CYLC2: variants seen among roughly 807,000 people sequenced by gnomAD.
The protein encoded by CYLC2 is cylicin-2.
Under a neutral mutation model 26.1 loss-of-function variants are expected in CYLC2, and 30 were observed. That is an observed-to-expected ratio of 1.15 (90% CI 0.86 to 1.56). The LOEUF (loss-of-function observed/expected upper bound fraction) is 1.56. Among genes scored for constraint, CYLC2 ranks in the 40% most tolerant of loss-of-function variants. The pLI is 0.00. For synonymous variants in CYLC2, 158 were observed against 132.8 expected (o/e 1.19, Z -1.31); for missense variants, 498 against 394.4 (o/e 1.26, Z -2.23).
chr9:102,998,311 T>C (rs1829256941), intron 1 of CYLC2, among the ~76,000 whole-genome samples: 1 of 152,024 alleles, frequency 6.6e-6, no homozygotes, highest in Non-Finnish European at 1.5e-5. Flanking sequence ...ATGGATTTAA[T>C]TTAAAATTGT....
chr9:103,001,248 T>G lies in CYLC2; in HGVS notation c.18-330T>G, dbSNP rs756807138. ...TTCAACTGTGTTTTTGTAATTTTTT[T>G]AAATGTATATTTTCAGATGTGCAAT... On this transcript the variant is annotated intron_variant, in intron 1 of 7. Transcript: ENST00000374798. Among the ~76,000 whole-genome samples the G allele has an allele frequency of 7.4e-5, 11 of 148,884 alleles. No homozygotes were observed. The Admixed American group carries it at 7.4e-4, about 10-fold the overall frequency.
At chr9:103,014,448 A>G (rs908713380) in intron 6 of CYLC2, among the ~76,000 whole-genome samples, 7 of 91,710 alleles carry the variant, frequency 7.6e-5, no homozygotes, top group Admixed American at 1.3e-4. Context: ...TACATAATAT[A>G]CATAATGTAT....
intron 1 of CYLC2, among the ~76,000 whole-genome samples, chr9:102,998,239 C>A (rs1311036449): frequency 4.0e-5 from 6 of 151,862 alleles, no homozygotes. Context: ...AAAACAACAA[C>A]AACCTTTTGA....
At chr9:103,017,028 T>C (rs1481353931) in intron 7 of CYLC2, 67 bp downstream of exon 7, 6 of 148,686 alleles carry the variant, frequency 4.0e-5, no homozygotes. Flanking sequence ...ATGTTTAATA[T>C]GTAATTTAAA....
At chr9:103,018,086 G>GT (rs758322617) in intron 7 of CYLC2, among the ~76,000 whole-genome samples, 3 of 152,094 alleles carry the variant, frequency 2.0e-5, no homozygotes, top group South Asian at 2.1e-4. Context: ...TATGAGATCA[G>GT]TTTTTTAGTT....
chr9:103,013,613 TATATA>T (rs548174521), intron 6 of CYLC2, among the ~76,000 whole-genome samples: 1,205 of 112,606 alleles, frequency 0.011, 23 homozygotes, highest in African/African-American at 0.042. Context: ...AAATATTTTA[TATATA>T]ATATGTTATA....
chr9:103,010,876 T>A (rs1229572602), intron 5 of CYLC2: 2 of 151,988 alleles, frequency 1.3e-5, no homozygotes, highest in East Asian at 3.9e-4. Context: ...TGAACAAATA[T>A]GGAAATTAAA....
intron 6 of CYLC2, among the ~76,000 whole-genome samples, chr9:103,013,577 T>C (rs1445200478): frequency 1.8e-5 from 2 of 112,730 alleles, no homozygotes; most frequent in Admixed American, 1.2e-4. Context: ...CTTACATATG[T>C]ATTTACAATA....
At chr9:103,014,695 ACG>A (rs1829473641) in intron 6 of CYLC2, among the ~76,000 whole-genome samples, 2 of 128,296 alleles carry the variant, frequency 1.6e-5, no homozygotes, top group South Asian at 2.5e-4. Context: ...TATGTAATAT[ACG>A]TATGTATATT....
At chr9:102,995,518 T>A in intron 1 of CYLC2, 121 bp downstream of exon 1, 2 of 735,934 alleles carry the variant, frequency 2.7e-6, no homozygotes, top group East Asian at 2.6e-5. Flanking sequence ...AAAGATAATG[T>A]GTTTAAGCAG....
Position 103,003,266 on chromosome 9 carries a change from A to T in CYLC2, c.180+3A>T. 1 of 1,607,282 alleles carries T rather than the reference A, an allele frequency of 6.2e-7. No homozygotes were observed. The highest frequency in any genetic ancestry group is 8.5e-7 in the Non-Finnish European group (1 of 1,176,774). ...AAATACGGGACAACACGGTTTCTGT[A>T]AGCATTGGAAAGATTTTATAATTAT... is the stretch of plus-strand genomic sequence containing the variant. On this transcript the variant is annotated splice_donor_region_variant and intron_variant, in intron 3 of 7. Transcript: ENST00000374798.
At chr9:103,001,466 T>A (rs977390568) in intron 1 of CYLC2, 112 bp from the exon 2 acceptor site, 1 of 666,070 alleles carries the variant, frequency 1.5e-6, no homozygotes, top group East Asian at 2.8e-5. Context: ...ATATCTGAGA[T>A]TGTGAAATAT....
intron 5 of CYLC2, among the ~76,000 whole-genome samples, chr9:103,009,521 A>G (rs1402856076): frequency 6.6e-6 from 1 of 152,144 alleles, no homozygotes; most frequent in Non-Finnish European, 1.5e-5. Context: ...TAATTACATC[A>G]TGGAGAATGG....
At chr9:103,002,097 T>C (rs1250843559) in intron 2 of CYLC2, among the ~76,000 whole-genome samples, 1 of 152,096 alleles carries the variant, frequency 6.6e-6, no homozygotes, top group African/African-American at 2.4e-5. Context: ...TTCTGTACAT[T>C]TTTCCCATTG....
intron 1 of CYLC2, among the ~76,000 whole-genome samples, chr9:102,996,075 T>C (rs528546209): frequency 1.3e-5 from 2 of 151,982 alleles, no homozygotes; most frequent in African/African-American, 4.8e-5. Context: ...TGGAGTTTTG[T>C]AATATAAAGT....
In CYLC2 at chr9:103,004,726, G is replaced by A. The variant is rs113381774; in HGVS notation, c.212G>A (p.Arg71His). 2.6e-4 allele frequency: 419 copies of A among 1,602,106 alleles called. No individual in the cohort carries two copies. The African/African-American group carries it at 4.2e-3, about 16-fold the overall frequency. Residue 71 changes from arginine (R) to histidine (H), a missense_variant, in exon 4 of 8, where the codon CGT becomes CAT. Physicochemically the swap from Arg to His is conservative, Grantham distance 29. Coordinates refer to ENST00000374798, the MANE Select transcript of CYLC2 (RefSeq NM_001340.5). ...IIDEEQLRGD[R>H]RQPLWMYRSL... ...GATGAAGAACAATTAAGAGGAGATCGTAGACAACCATTATGGATGTACCGT... is the reference window on the plus strand; with the variant it reads ...GATGAAGAACAATTAAGAGGAGATCATAGACAACCATTATGGATGTACCGT...
At chr9:103,001,370 G>T (rs886676833) in intron 1 of CYLC2, among the ~76,000 whole-genome samples, 9 of 151,318 alleles carry the variant, frequency 5.9e-5, no homozygotes, top group Admixed American at 3.3e-4. Flanking sequence ...TTGTTTGATC[G>T]ACCATTATTT....
intron 6 of CYLC2, among the ~76,000 whole-genome samples, chr9:103,013,156 T>TATATTATATAAATATATATTTA (rs1554713502): frequency 1.8e-5 from 2 of 111,244 alleles, no homozygotes; most frequent in Non-Finnish European, 3.4e-5. Flanking sequence ...CATATATAAA[T>TATATTATATAAATATATATTTA]ATATATTATA....
At chr9:103,013,345 A>AATATATATTTAATATATTATAT (rs1564100471) in intron 6 of CYLC2, among the ~76,000 whole-genome samples, 519 of 16,628 alleles carry the variant, frequency 0.031, 24 homozygotes, top group African/African-American at 0.086. Flanking sequence ...TATATTATAT[A>AATATATATTTAATATATTATAT]AATATATATT....
Sources: gnomAD v4.1 joint callset for allele counts (sites outside exome capture counted in the v4.1 genomes callset) on GRCh38, gnomAD v4.1.1 for gene constraint, MANE v1.5 for transcripts, NCBI Gene and HGNC (gene_info 2026-07-23, HGNC 2026-07-21) for gene names.